The following ATL1 variants were observed in gnomAD, a reference collection of about 807,000 sequenced individuals.
ATL1 encodes atlastin GTPase 1.
Under a neutral mutation model 75.5 loss-of-function variants are expected in ATL1, and 31 were observed. The observed-to-expected ratio is 0.41, with a 90% CI of 0.31 to 0.55. The LOEUF (loss-of-function observed/expected upper bound fraction) is 0.55, where lower values mean the gene tolerates loss of function less well. ATL1 is among the 20% of genes least tolerant of loss of function. The pLI is 0.27. For missense variants in ATL1, 405 were observed against 662.6 expected (o/e 0.61, Z 4.27); for synonymous variants, 226 against 233.3 (o/e 0.97, Z 0.28).
chr14:50,560,086 C>G, upstream of ATL1: 1 of 683,888 alleles, frequency 1.5e-6, no homozygotes, highest in Non-Finnish European at 2.5e-6. Flanking sequence ...CTTGGTTCAT[C>G]TGCTTTCTCC....
At chr14:50,614,233 C>A (rs2039393371) in intron 7 of ATL1, 140 bp from the exon 8 acceptor site, 4 of 945,754 alleles carry the variant, frequency 4.2e-6, no homozygotes, top group Non-Finnish European at 6.6e-6. Flanking sequence ...CCAAGACTTT[C>A]TTCTTTCTTT....
At chr14:50,536,304 T>G (rs748212911) in intron 1 of ATL1, among the ~76,000 whole-genome samples, 9 of 151,978 alleles carry the variant, frequency 5.9e-5, no homozygotes, top group Non-Finnish European at 1.3e-4. Context: ...GGCATGGTGG[T>G]ACATGCCTGT....
intron 6 of ATL1, among the ~76,000 whole-genome samples, chr14:50,597,238 AAAG>A: frequency 6.6e-6 from 1 of 150,988 alleles, no homozygotes; most frequent in Admixed American, 6.6e-5. Context: ...AAAAAAGAAA[AAAG>A]AAAAAAGAAT....
At chr14:50,585,596 A>G (rs1220306135) in intron 1 of ATL1, among the ~76,000 whole-genome samples, 2 of 152,224 alleles carry the variant, frequency 1.3e-5, no homozygotes, top group African/African-American at 2.4e-5. Flanking sequence ...TTCATTAAGC[A>G]TGTACTATTT....
At chr14:50,629,582 C>CA (rs1385722553) in intron 12 of ATL1, among the ~76,000 whole-genome samples, 25,384 of 137,774 alleles carry the variant, frequency 0.18, 2,979 homozygotes, top group African/African-American at 0.35. Context: ...GCTCCATCTC[C>CA]CAAAAAAAAA....
intron 1 of ATL1, among the ~76,000 whole-genome samples, chr14:50,550,499 A>G (rs1462349086): frequency 1.3e-5 from 2 of 152,144 alleles, no homozygotes; most frequent in Non-Finnish European, 2.9e-5. Flanking sequence ...TTGCAATGGT[A>G]TGCCTTGGGA....
At chr14:50,620,917 C>A (rs1005530360) in intron 9 of ATL1, among the ~76,000 whole-genome samples, 191 bp downstream of exon 9, 6 of 152,080 alleles carry the variant, frequency 3.9e-5, no homozygotes, top group Non-Finnish European at 7.4e-5. Flanking sequence ...TGAAATTATT[C>A]TTTTGAGGAA....
chr14:50,577,619 G>C (rs1365109140), intron 1 of ATL1, among the ~76,000 whole-genome samples: 1 of 151,952 alleles, frequency 6.6e-6, no homozygotes, highest in Non-Finnish European at 1.5e-5. Context: ...ATTTTCATTA[G>C]CTCCCAAAAG....
In ATL1 at chr14:50,606,667, T is replaced by C. The variant is rs190969128; in HGVS notation, c.631-6592T>C. ...CTACCAGACTTCCAACCATTAGTCT[T>C]TGGGGCAGTGTGAATGGGACTGAAG... On this transcript the variant is annotated intron_variant, in intron 6 of 13. Coordinates refer to ENST00000358385, the MANE Select transcript of ATL1 (RefSeq NM_015915.5). Among the ~76,000 whole-genome samples, 40 of 152,200 alleles carry C rather than the reference T, an allele frequency of 2.6e-4. 1 individual carries two copies. Among genetic ancestry groups the C allele is most frequent in the Admixed American group, 2.2e-3 (34 of 15,266 alleles).
chr14:50,586,524 C>T (rs888225872), intron 1 of ATL1, among the ~76,000 whole-genome samples: 2 of 152,308 alleles, frequency 1.3e-5, no homozygotes, highest in Admixed American at 6.5e-5. Flanking sequence ...GGCCTCATCT[C>T]TAACATTGGG....
chr14:50,587,139 A>C (rs2039109346), intron 1 of ATL1, among the ~76,000 whole-genome samples: 1 of 152,098 alleles, frequency 6.6e-6, no homozygotes, highest in African/African-American at 2.4e-5. Context: ...AAAGTATTGC[A>C]AGGATCCTTT....
intron 1 of ATL1, 109 bp downstream of exon 1, chr14:50,560,408 C>A (rs992422995): frequency 2.8e-6 from 4 of 1,413,392 alleles, no homozygotes; most frequent in Non-Finnish European, 3.9e-6. Context: ...CCTGCGTCCA[C>A]GGCTGGGAGA....
At chr14:50,579,662 A>G (rs1033350225) in intron 1 of ATL1, among the ~76,000 whole-genome samples, 3 of 152,120 alleles carry the variant, frequency 2.0e-5, no homozygotes, top group Non-Finnish European at 4.4e-5. Context: ...TCTTTCAGTA[A>G]TGTTTTATAT....
chr14:50,593,943 C>A, intron 5 of ATL1, 47 bp downstream of exon 5: 2 of 1,325,616 alleles, frequency 1.5e-6, no homozygotes, highest in Non-Finnish European at 2.2e-6. Flanking sequence ...GTCTTTGAAA[C>A]ATGTATAGCA....
At chr14:50,631,177 T>C (rs901871425) in intron 13 of ATL1, 7 of 204,422 alleles carry the variant, frequency 3.4e-5, no homozygotes, top group African/African-American at 1.7e-4. Flanking sequence ...AGAGAATAGC[T>C]TGAACCTGGG....
intron 1 of ATL1, among the ~76,000 whole-genome samples, chr14:50,535,894 A>T (rs552481835): frequency 6.6e-6 from 1 of 152,302 alleles, no homozygotes; most frequent in South Asian, 2.1e-4. Flanking sequence ...CATGAGGGCA[A>T]GTCTTTCCCA....
At chr14:50,582,776 G>A (rs1178046843) in intron 1 of ATL1, among the ~76,000 whole-genome samples, 1 of 151,638 alleles carries the variant, frequency 6.6e-6, no homozygotes, top group Non-Finnish European at 1.5e-5. Context: ...AACCACCCAA[G>A]GACAAAATAA....
intron 1 of ATL1, 65 bp downstream of exon 1, chr14:50,560,364 T>C: frequency 6.3e-7 from 1 of 1,586,934 alleles, no homozygotes; most frequent in South Asian, 1.1e-5. Flanking sequence ...TTTCTGCTTC[T>C]GTGGAGACAG....
chr14:50,609,560 G>C (rs568945677), intron 6 of ATL1, among the ~76,000 whole-genome samples: 1 of 151,898 alleles, frequency 6.6e-6, no homozygotes, highest in African/African-American at 2.4e-5. Flanking sequence ...CAAGATTCTT[G>C]GACAAGGAGA....
Sources: gnomAD v4.1 joint callset for allele counts (sites outside exome capture counted in the v4.1 genomes callset) on GRCh38, gnomAD v4.1.1 for gene constraint, MANE v1.5 for transcripts, NCBI Gene and HGNC (gene_info 2026-07-23, HGNC 2026-07-21) for gene names.